C12orf57: variants seen among roughly 807,000 people sequenced by gnomAD.
The protein encoded by C12orf57 is protein C10.
Under a neutral mutation model 11.3 loss-of-function variants are expected in C12orf57, and 14 were observed. The observed-to-expected ratio is 1.24, with a 90% CI of 0.82 to 1.94. C12orf57 has a LOEUF of 1.94. C12orf57 is among the 30% of genes most tolerant of loss of function. The probability of loss-of-function intolerance (pLI) is 0.00; values close to 1 mark genes in which losing one functional copy is unlikely to be tolerated. For synonymous variants in C12orf57, 100 were observed against 74.6 expected (o/e 1.34, Z -1.76); for missense variants, 229 against 172.4 (o/e 1.33, Z -1.84).
At position 6,944,055 on chromosome 12, in the gene C12orf57, T is replaced by C. The variant is rs1945715724; in HGVS notation, c.-67T>C. ...CTCCCAGGGGCGTTGGGAACGGTTG[T>C]AGGACGTGGCTCTTTATTCGTGAGT... On this transcript the variant is annotated 5_prime_UTR_variant, in exon 1 of 3. Coordinates refer to ENST00000229281, the MANE Select transcript of C12orf57 (RefSeq NM_138425.4). 1.9e-6 allele frequency: 3 copies of C among 1,612,788 alleles called. No individual in the cohort carries two copies. Among genetic ancestry groups the C allele is most frequent in the South Asian group, 2.2e-5 (2 of 91,066 alleles).
upstream of C12orf57, chr12:6,943,809 T>G: frequency 3.5e-6 from 3 of 859,640 alleles, no homozygotes; most frequent in South Asian, 1.8e-5. Context: ...TCCAAACACA[T>G]ACGCAGCAGT....
chr12:6,943,870 A>AG (rs782583480), upstream of C12orf57: 3 of 956,492 alleles, frequency 3.1e-6, no homozygotes, highest in African/African-American at 3.4e-5. Context: ...TTTTTACCGG[A>AG]AAGCCCCTCT....
chr12:6,945,182 G>A lies in C12orf57; in HGVS notation c.229+530G>A, dbSNP rs782153467. The A allele has an allele frequency of 1.1e-3, 217 of 196,814 alleles. 1 individual carries two copies. Among genetic ancestry groups the A allele is most frequent in the Middle Eastern group, 2.2e-3 (1 of 448 alleles). The allele number at this position is 196,814 out of a possible 1,614,324, so 12.2% of individuals were successfully genotyped here. A position where few individuals can be genotyped will look rare whatever the true frequency, so the allele number is the denominator to read the frequency against. On this transcript the variant is annotated intron_variant, in intron 2 of 2. Transcript: ENST00000229281. ...TCAGATTTTGGATTTTCTAATTAAG[G>A]ATGGTCAACCTGTACTGTTAATCAC... is the stretch of plus-strand genomic sequence containing the variant.
chr12:6,943,517 T>C (rs1391333956), upstream of C12orf57: 3 of 1,283,104 alleles, frequency 2.3e-6, no homozygotes, highest in African/African-American at 1.5e-5. Context: ...CGGCTTTTGC[T>C]CTGGGCCTTT....
At chr12:6,945,438 T>G (rs1479369392) in intron 2 of C12orf57, among the ~76,000 whole-genome samples, 1 of 152,232 alleles carries the variant, frequency 6.6e-6, no homozygotes, top group Non-Finnish European at 1.5e-5. Context: ...TCAGCTCTGC[T>G]GCCTCATAGC....
Position 6,944,026 on chromosome 12 carries a change from TC to T in C12orf57, c.-94del. The T allele has an allele frequency of 1.9e-6, 3 of 1,608,090 alleles. No individual in the cohort carries two copies. The highest frequency in any genetic ancestry group is 1.1e-5 in the South Asian group (1 of 90,736). On this transcript the variant is annotated 5_prime_UTR_variant, in exon 1 of 3. Transcript: ENST00000229281. ...CGGCTGCGCCGGATGCTGTTTCCTTTCCGCTCCCAGGGGCGTTGGGAACGGT... is the reference window on the plus strand; with the variant it reads ...CGGCTGCGCCGGATGCTGTTTCCTTTCGCTCCCAGGGGCGTTGGGAACGGT...
Position 6,945,968 on chromosome 12 carries a change from A to T in C12orf57, c.*46A>T. 1 of 1,582,192 alleles carries T rather than the reference A, an allele frequency of 6.3e-7. No homozygotes were observed. The highest frequency in any genetic ancestry group is 8.6e-7 in the Non-Finnish European group (1 of 1,168,262). ...CACTGCCAGGGGAGGAAAGGCCTTG[A>T]TGTTCCAGACAATAATAAATGCGCC... On this transcript the variant is annotated 3_prime_UTR_variant, in exon 3 of 3. Transcript: ENST00000229281.
upstream of C12orf57, chr12:6,943,697 AG>A: frequency 7.8e-7 from 1 of 1,281,868 alleles, no homozygotes; most frequent in Non-Finnish European, 1.0e-6. Flanking sequence ...TCCTACTGAA[AG>A]TTACCACATG....
upstream of C12orf57, chr12:6,943,753 A>T: frequency 8.7e-7 from 1 of 1,152,270 alleles, no homozygotes; most frequent in Non-Finnish European, 1.1e-6. Flanking sequence ...AAGTCACCTA[A>T]GCTCACCCTC....
upstream of C12orf57, chr12:6,943,887 G>T: frequency 9.5e-7 from 1 of 1,048,730 alleles, no homozygotes. Flanking sequence ...CTCTTATGAT[G>T]TTTGTTGCCA....
In C12orf57 at chr12:6,944,074, C is replaced by A. The variant is rs375520323; in HGVS notation, c.-48C>A. 1.9e-6 allele frequency: 3 copies of A among 1,613,434 alleles called. No individual in the cohort carries two copies. The highest frequency in any genetic ancestry group is 2.5e-6 in the Non-Finnish European group (3 of 1,179,796). On this transcript the variant is annotated 5_prime_UTR_variant, in exon 1 of 3. Coordinates refer to ENST00000229281, the MANE Select transcript of C12orf57 (RefSeq NM_138425.4). The stretch of plus-strand genomic sequence containing the variant: ...CGGTTGTAGGACGTGGCTCTTTATT[C>A]GTGAGTTTTCCATTTACCTCCGCTG...
Position 6,945,785 on chromosome 12 carries a change from G to C in C12orf57, c.244G>C (p.Ala82Pro). Reference sequence around the variant, plus strand: ...CCCTCTTGCAGGTGTCCTTAAGTTTGCTCGCTTGGTCAAGTCCTACGAAGC... The same window carrying C: ...CCCTCTTGCAGGTGTCCTTAAGTTTCCTCGCTTGGTCAAGTCCTACGAAGC... ...SCDGEGVLKF[A>P]RLVKSYEAQD... The change falls in exon 3 of 3, where the codon GCT (alanine) becomes CCT (proline). Residue 82 changes from alanine (A) to proline (P), a missense_variant. Coordinates refer to ENST00000229281, the MANE Select transcript of C12orf57 (RefSeq NM_138425.4). 6.2e-7 allele frequency: 1 copy of C among 1,613,746 alleles called. No homozygotes were observed. The highest frequency in any genetic ancestry group is 8.5e-7 in the Non-Finnish European group (1 of 1,179,882).
chr12:6,945,059 A>G (rs1294504516), intron 2 of C12orf57: 2 of 356,434 alleles, frequency 5.6e-6, no homozygotes, highest in Non-Finnish European at 9.8e-6. Flanking sequence ...GCATGAGACA[A>G]AGTTTTGACT....
intron 2 of C12orf57, 172 bp downstream of exon 2, chr12:6,944,824 TGCGTCCG>T (rs2138237960): frequency 2.1e-6 from 3 of 1,452,466 alleles, no homozygotes; most frequent in Non-Finnish European, 1.8e-6. Flanking sequence ...CCTGAGCTTG[TGCGTCCG>T]AGTTGCGTTT....
intron 2 of C12orf57, chr12:6,945,102 T>G: frequency 3.7e-6 from 1 of 272,746 alleles, no homozygotes. Context: ...CACCCCCCAC[T>G]ATGAAGTCAG....
chr12:6,944,550 G>T lies in C12orf57; in HGVS notation c.127G>T (p.Ala43Ser), dbSNP rs782311451. 8 of 1,614,044 alleles carry T rather than the reference G, an allele frequency of 5.0e-6. No individual in the cohort carries two copies. The highest frequency in any genetic ancestry group is 6.8e-6 in the Non-Finnish European group (8 of 1,180,056). The change falls in exon 2 of 3, where the codon GCC becomes TCC. Residue 43 changes from alanine (A) to serine (S), a missense_variant. Physicochemically the swap from Ala to Ser is moderately conservative, Grantham distance 99. Coordinates refer to ENST00000229281, the MANE Select transcript of C12orf57 (RefSeq NM_138425.4). ...GCGCATGGACGAGGCTCGGGATAACGCCTGCAACGACATGGGTAAGATGCT... is the reference window on the plus strand; with the variant it reads ...GCGCATGGACGAGGCTCGGGATAACTCCTGCAACGACATGGGTAAGATGCT... ...AVRMDEARDN[A>S]CNDMGKMLQF...
chr12:6,944,643 G>T lies in C12orf57; in HGVS notation c.220G>T (p.Asp74Tyr). 1 of 1,612,022 alleles carries T rather than the reference G, an allele frequency of 6.2e-7. No homozygotes were observed. Among genetic ancestry groups the T allele is most frequent in the East Asian group, 2.2e-5 (1 of 44,824 alleles). Residue 74 changes from aspartate to tyrosine, a missense_variant, in exon 2 of 3, where the codon GAC becomes TAC. Transcript: ENST00000229281. ...TATCAAAGCCTATGGCTTCAGCTGC[G>T]ACGGGGAAGGTGGGTCAGACGCGGG... ...EVIKAYGFSC[D>Y]GEGVLKFARL...
At chr12:6,943,735 C>G, upstream of C12orf57, 2 of 1,236,802 alleles carry the variant, frequency 1.6e-6, no homozygotes, top group Non-Finnish European at 2.1e-6. Context: ...GTAATAGGAA[C>G]AAGAAAAAAG....
upstream of C12orf57, chr12:6,943,803 AACACATACGCAGC>A: frequency 2.2e-6 from 2 of 896,272 alleles, no homozygotes; most frequent in Non-Finnish European, 3.1e-6. Flanking sequence ...CTTCTCTCCA[AACACATACGCAGC>A]AGTGTTACAG....
Sources: gnomAD v4.1 joint callset for allele counts (sites outside exome capture counted in the v4.1 genomes callset) on GRCh38, gnomAD v4.1.1 for gene constraint, MANE v1.5 for transcripts, NCBI Gene and HGNC (gene_info 2026-07-23, HGNC 2026-07-21) for gene names.